The following CBL variants were observed in gnomAD, a reference collection of about 807,000 sequenced individuals.
The protein encoded by CBL is E3 ubiquitin-protein ligase CBL.
Under a neutral mutation model 96.9 loss-of-function variants are expected in CBL, and 45 were observed. The ratio of observed to expected loss-of-function variants is 0.46; its 90% CI spans 0.37 to 0.60. The LOEUF is 0.60. Ranked by LOEUF, CBL falls within the 20% of genes least tolerant of loss-of-function variation. The probability of loss-of-function intolerance (pLI) is 0.00; values close to 1 mark genes in which losing one functional copy is unlikely to be tolerated. For missense variants in CBL, 1,024 were observed against 1,143.5 expected (o/e 0.90, Z 1.51); for synonymous variants, 420 against 426.8 (o/e 0.98, Z 0.20).
chr11:119,275,179 G>T (rs770051888), intron 5 of CBL, among the ~76,000 whole-genome samples: 15 of 152,162 alleles, frequency 9.9e-5, no homozygotes, highest in African/African-American at 3.1e-4. Context: ...AGTGGCTCAC[G>T]CCTGTCATCC....
At position 119,304,916 on chromosome 11, in the gene CBL, C is replaced by T. The variant is rs879342498; in HGVS notation, c.*5135C>T. On this transcript the variant is annotated 3_prime_UTR_variant, in exon 16 of 16. Transcript: ENST00000264033. ...CTAAGATTACAGGCGTGAGCCACCGCGCCCGGCCCATACTTCGTATTCTTA... is the reference window on the plus strand; with the variant it reads ...CTAAGATTACAGGCGTGAGCCACCGTGCCCGGCCCATACTTCGTATTCTTA... The T allele has an allele frequency of 4.6e-5, 9 of 194,360 alleles. No homozygotes were observed. Among genetic ancestry groups the T allele is most frequent in the Middle Eastern group, 1.7e-3 (1 of 574 alleles). 12.0% of individuals were successfully genotyped at this position (194,360 alleles called of 1,614,324 possible).
At position 119,260,939 on chromosome 11, in the gene CBL, C is replaced by CTTTTTTTT. The variant is rs35248070; in HGVS notation, c.444-10783_444-10776dup. On this transcript the variant is annotated intron_variant, in intron 2 of 15. Coordinates refer to ENST00000264033, the MANE Select transcript of CBL (RefSeq NM_005188.4). Reference sequence around the variant, plus strand: ...TTTCACTTTGGCAGTTAAATCTCTACTTTTTTTTTTTTTTTTTTTTAATGG... The same window carrying CTTTTTTTT: ...TTTCACTTTGGCAGTTAAATCTCTACTTTTTTTTTTTTTTTTTTTTTTTTTTTTAATGG... Among the ~76,000 whole-genome samples the CTTTTTTTT allele has an allele frequency of 3.8e-3, 341 of 89,890 alleles. 28 individuals carry two copies. The highest frequency in any genetic ancestry group is 0.016 in the South Asian group (34 of 2,088). The allele number at this position is 89,890 out of a possible 152,430, so 59.0% of individuals were successfully genotyped here.
intron 2 of CBL, among the ~76,000 whole-genome samples, chr11:119,260,855 A>G (rs532884506): frequency 3.3e-5 from 5 of 150,784 alleles, no homozygotes; most frequent in South Asian, 2.1e-4. Flanking sequence ...AAATGATCAG[A>G]TATCACTCCC....
chr11:119,288,399 A>T (rs1356737568), intron 12 of CBL, among the ~76,000 whole-genome samples: 2 of 152,158 alleles, frequency 1.3e-5, no homozygotes, highest in South Asian at 2.1e-4. Flanking sequence ...GGGTGCCTGC[A>T]TGGTGGCTTT....
chr11:119,229,383 T>G (rs1369242880), intron 1 of CBL, among the ~76,000 whole-genome samples: 1 of 152,204 alleles, frequency 6.6e-6, no homozygotes, highest in African/African-American at 2.4e-5. Context: ...ATGAAGAGCT[T>G]TCTAAAATGC....
At chr11:119,278,056 T>G (rs1018305781) in intron 7 of CBL, 110 bp from the exon 8 acceptor site, 2 of 1,067,162 alleles carry the variant, frequency 1.9e-6, no homozygotes, top group Non-Finnish European at 2.8e-6. Context: ...GTTGTGACAT[T>G]TTTATATAAG....
Position 119,305,752 on chromosome 11 carries a change from T to G in CBL, c.*5971T>G, listed in dbSNP as rs1339113846. 1 of 227,218 alleles carries G rather than the reference T, an allele frequency of 4.4e-6. No homozygotes were observed. Among genetic ancestry groups the G allele is most frequent in the African/African-American group, 2.2e-5 (1 of 44,906 alleles). 14.1% of individuals were successfully genotyped at this position (227,218 alleles called of 1,614,324 possible). Reference sequence around the variant, plus strand: ...TTTTAGTCCTATATAAAAGCTTTCCTTTTCTGTTTTTTTTTAAAACTATGC... The same window carrying G: ...TTTTAGTCCTATATAAAAGCTTTCCGTTTCTGTTTTTTTTTAAAACTATGC... On this transcript the variant is annotated 3_prime_UTR_variant, in exon 16 of 16. Coordinates refer to ENST00000264033, the MANE Select transcript of CBL (RefSeq NM_005188.4).
chr11:119,266,266 A>C (rs1433167718), intron 2 of CBL, among the ~76,000 whole-genome samples: 1 of 152,084 alleles, frequency 6.6e-6, no homozygotes, highest in Non-Finnish European at 1.5e-5. Flanking sequence ...TTACAAGATA[A>C]CTTTTTCAGT....
intron 2 of CBL, among the ~76,000 whole-genome samples, chr11:119,248,844 A>G (rs1056367542): frequency 3.3e-5 from 5 of 152,250 alleles, no homozygotes; most frequent in African/African-American, 1.2e-4. Context: ...TTCTTCAGAG[A>G]AGATATACAG....
Position 119,302,051 on chromosome 11 carries a change from C to T in CBL, c.*2270C>T, listed in dbSNP as rs930188283. On this transcript the variant is annotated 3_prime_UTR_variant, in exon 16 of 16. Coordinates refer to ENST00000264033, the MANE Select transcript of CBL (RefSeq NM_005188.4). ...CATCTAAATCTTCTCTGGAGATTAT[C>T]TCCCTACTGTGTAGGTTAAGGGCAG... The T allele has an allele frequency of 3.9e-5, 9 of 233,006 alleles. No homozygotes were observed. Among genetic ancestry groups the T allele is most frequent in the African/African-American group, 2.0e-4 (9 of 45,330 alleles). The allele number at this position is 233,006 out of a possible 1,614,324, so 14.4% of individuals were successfully genotyped here.
chr11:119,208,780 G>A (rs1408326676), intron 1 of CBL, among the ~76,000 whole-genome samples: 1 of 152,078 alleles, frequency 6.6e-6, no homozygotes, highest in Non-Finnish European at 1.5e-5. Flanking sequence ...TATTCTACAA[G>A]GTAGCCCAAA....
intron 2 of CBL, among the ~76,000 whole-genome samples, chr11:119,252,112 T>C (rs901645257): frequency 6.6e-6 from 1 of 152,022 alleles, no homozygotes; most frequent in Non-Finnish European, 1.5e-5. Flanking sequence ...GCTTAAATCC[T>C]GTGTGTTAAA....
chr11:119,298,328 A>T lies in CBL; in HGVS notation c.2252-30A>T, dbSNP rs774646071. 4 of 1,602,532 alleles carry T rather than the reference A, an allele frequency of 2.5e-6. No individual in the cohort carries two copies. In the African/African-American group the frequency reaches 5.4e-5, roughly 21 times the overall value. The stretch of plus-strand genomic sequence containing the variant: ...TGTATTAGAAGATGAAGTGCGTCAG[A>T]AGAAGATAACATCACTCATTTTTCT... On this transcript the variant is annotated intron_variant, in intron 14 of 15. Coordinates refer to ENST00000264033, the MANE Select transcript of CBL (RefSeq NM_005188.4).
chr11:119,290,619 CAAA>C (rs113629941), intron 12 of CBL, among the ~76,000 whole-genome samples: 4 of 134,156 alleles, frequency 3.0e-5, no homozygotes, highest in East Asian at 4.7e-4. Context: ...GACTCTGTCT[CAAA>C]AAAAAAAAAG....
At chr11:119,224,747 A>G (rs1949442128) in intron 1 of CBL, among the ~76,000 whole-genome samples, 1 of 151,832 alleles carries the variant, frequency 6.6e-6, no homozygotes, top group South Asian at 2.1e-4. Context: ...AAAACATTGA[A>G]AAAATCATAA....
At chr11:119,257,982 T>C (rs2135285452) in intron 2 of CBL, among the ~76,000 whole-genome samples, 1 of 152,248 alleles carries the variant, frequency 6.6e-6, no homozygotes, top group East Asian at 1.9e-4. Context: ...ATCTCAGCAC[T>C]TTTGGAGGCT....
At chr11:119,238,353 A>G (rs565315318) in intron 2 of CBL, among the ~76,000 whole-genome samples, 5 of 151,432 alleles carry the variant, frequency 3.3e-5, no homozygotes, top group Non-Finnish European at 5.9e-5. Flanking sequence ...GGGATTACAG[A>G]CATGCACCAC....
intron 15 of CBL, among the ~76,000 whole-genome samples, chr11:119,298,951 G>C (rs565233549): frequency 2.5e-4 from 38 of 152,310 alleles, no homozygotes; most frequent in Admixed American, 2.5e-3. Flanking sequence ...TTGACTACTG[G>C]AGGCTGCTCT....
intron 1 of CBL, among the ~76,000 whole-genome samples, chr11:119,222,114 T>C (rs1949416651): frequency 6.6e-6 from 1 of 152,200 alleles, no homozygotes. Flanking sequence ...ATTTTTAACA[T>C]GGGAAAACAT....
Sources: allele counts gnomAD v4.1 joint callset (sites outside exome capture counted in the v4.1 genomes callset), GRCh38; gene constraint gnomAD v4.1.1; transcripts MANE v1.5; gene names NCBI Gene and HGNC (gene_info 2026-07-23, HGNC 2026-07-21).